Variants in DLGAP2 observed in about 807,000 individuals in gnomAD.
DLGAP2 encodes disks large-associated protein 2.
Under a neutral mutation model 100.3 loss-of-function variants are expected in DLGAP2, and 26 were observed. The observed-to-expected ratio is 0.26, with a 90% CI of 0.19 to 0.36. DLGAP2 has a LOEUF of 0.36. Ranked by LOEUF, DLGAP2 falls within the 10% of genes least tolerant of loss-of-function variation. The probability of loss-of-function intolerance (pLI) is 1.00; values close to 1 mark genes in which losing one functional copy is unlikely to be tolerated. For synonymous variants in DLGAP2, 886 were observed against 630.1 expected, an observed-to-expected ratio of 1.41 and a Z score of -6.08; for missense variants, 1,858 against 1,453.2, an observed-to-expected ratio of 1.28 and a Z score of -4.53.
At chr8:1,281,297 G>C (rs148335899) in intron 3 of DLGAP2, among the ~76,000 whole-genome samples, 127 of 152,288 alleles carry the variant, frequency 8.3e-4, no homozygotes, top group African/African-American at 3.1e-3. Context: ...TGTGAGAAAC[G>C]GGGGATGGTG....
At chr8:1,216,031 G>A (rs1019449978) in intron 2 of DLGAP2, among the ~76,000 whole-genome samples, 3 of 152,184 alleles carry the variant, frequency 2.0e-5, no homozygotes, top group African/African-American at 4.8e-5. Context: ...GCAGTGCTTG[G>A]GAGGAGCTTT....
At chr8:1,383,296 T>C (rs183141002) in intron 3 of DLGAP2, among the ~76,000 whole-genome samples, 1 of 152,218 alleles carries the variant, frequency 6.6e-6, no homozygotes, top group Admixed American at 6.5e-5. Context: ...TATTTCAAAT[T>C]CTCAAATATG....
At chr8:1,697,090 C>A in intron 13 of DLGAP2, 57 bp from the exon 14 acceptor site, 1 of 1,457,986 alleles carries the variant, frequency 6.9e-7, no homozygotes, top group South Asian at 1.5e-5. Context: ...GTGGCCTCCC[C>A]AGCCCTGTGC....
At chr8:1,459,351 CA>C (rs1484391996) in intron 3 of DLGAP2, among the ~76,000 whole-genome samples, 1 of 152,144 alleles carries the variant, frequency 6.6e-6, no homozygotes, top group Non-Finnish European at 1.5e-5. Flanking sequence ...GCATAGGCCC[CA>C]GGGGTCACCC....
chr8:1,149,233 C>T (rs1796656874), intron 2 of DLGAP2, among the ~76,000 whole-genome samples: 1 of 152,112 alleles, frequency 6.6e-6, no homozygotes, highest in Non-Finnish European at 1.5e-5. Flanking sequence ...GCAAGCTCCG[C>T]CTTCTGGGTT....
chr8:1,500,128 GAT>G (rs1799668466), intron 3 of DLGAP2, among the ~76,000 whole-genome samples: 2 of 152,226 alleles, frequency 1.3e-5, no homozygotes, highest in Admixed American at 6.5e-5. Flanking sequence ...TGGTGACAAA[GAT>G]GTGTGTACGC....
At position 1,218,644 on chromosome 8, in the gene DLGAP2, A is replaced by T. The variant is rs117808957; in HGVS notation, c.74-40207A>T. Among the ~76,000 whole-genome samples, 781 of 152,170 alleles carry T rather than the reference A, an allele frequency of 5.1e-3. 4 individuals are homozygous for T. Among genetic ancestry groups the T allele is most frequent in the Non-Finnish European group, 7.9e-3 (538 of 67,984 alleles). On this transcript the variant is annotated intron_variant, in intron 2 of 14. Coordinates refer to ENST00000637795, the MANE Select transcript of DLGAP2 (RefSeq NM_001346810.2). The stretch of plus-strand genomic sequence containing the variant: ...TCTTTTTTGTTTTAATATATATTTT[A>T]GAATAGTTCTAATTATATGGAAAAT...
intron 2 of DLGAP2, among the ~76,000 whole-genome samples, chr8:1,205,827 C>A (rs1797977798): frequency 6.6e-6 from 1 of 152,150 alleles, no homozygotes; most frequent in South Asian, 2.1e-4. Context: ...AGTGAGAATA[C>A]ATCAAATCTG....
At chr8:776,873 T>G (rs1481140572) in intron 1 of DLGAP2, among the ~76,000 whole-genome samples, 8 of 152,270 alleles carry the variant, frequency 5.3e-5, no homozygotes, top group East Asian at 1.9e-4. Flanking sequence ...GGTCCACTTG[T>G]TGCAGAGCTG....
intron 2 of DLGAP2, among the ~76,000 whole-genome samples, chr8:1,080,617 G>A (rs1344541089): frequency 2.3e-4 from 35 of 152,306 alleles, no homozygotes; most frequent in Non-Finnish European, 4.4e-5. Context: ...GGACTCATCA[G>A]GCGGAACAGG....
At chr8:1,332,285 C>T (rs926665615) in intron 3 of DLGAP2, among the ~76,000 whole-genome samples, 5 of 152,038 alleles carry the variant, frequency 3.3e-5, no homozygotes, top group Admixed American at 1.3e-4. Context: ...TCTGTGTACA[C>T]ATATCTGCAC....
chr8:846,113 A>C (rs1028735995), intron 1 of DLGAP2, among the ~76,000 whole-genome samples: 1 of 152,248 alleles, frequency 6.6e-6, no homozygotes, highest in Non-Finnish European at 1.5e-5. Flanking sequence ...CTATTACCTC[A>C]AACATTGACC....
At chr8:864,229 GC>G (rs1291617273) in intron 1 of DLGAP2, among the ~76,000 whole-genome samples, 1 of 152,168 alleles carries the variant, frequency 6.6e-6, no homozygotes, top group Non-Finnish European at 1.5e-5. Context: ...GTTAGCAGGT[GC>G]AGGGACTTGG....
chr8:1,475,956 TG>T (rs1244744625), intron 3 of DLGAP2, among the ~76,000 whole-genome samples: 2 of 152,344 alleles, frequency 1.3e-5, no homozygotes, highest in Admixed American at 6.5e-5. Flanking sequence ...AAATGGTTTT[TG>T]TAGTTACTCT....
chr8:1,323,276 C>G (rs1213144473), intron 3 of DLGAP2, among the ~76,000 whole-genome samples: 1 of 152,122 alleles, frequency 6.6e-6, no homozygotes, highest in South Asian at 2.1e-4. Flanking sequence ...GCAATCCACC[C>G]GCCTCAGCCT....
chr8:1,408,467 TCCTGAAGC>T (rs1266184525), intron 3 of DLGAP2, among the ~76,000 whole-genome samples: 2 of 152,184 alleles, frequency 1.3e-5, no homozygotes, highest in East Asian at 3.9e-4. Context: ...CCGTGTCAAG[TCCTGAAGC>T]CCCCATGGCC....
At chr8:989,794 T>G (rs1800601760) in intron 2 of DLGAP2, among the ~76,000 whole-genome samples, 1 of 152,206 alleles carries the variant, frequency 6.6e-6, no homozygotes, top group Admixed American at 6.5e-5. Context: ...AAATTGAGGC[T>G]TCCCCAGGGT....
chr8:1,080,456 C>T (rs147056392), intron 2 of DLGAP2, among the ~76,000 whole-genome samples: 5 of 152,340 alleles, frequency 3.3e-5, no homozygotes, highest in South Asian at 2.1e-4. Flanking sequence ...GCTCACACGT[C>T]TGAAGTGGGG....
At chr8:1,476,241 G>A (rs576727771) in intron 3 of DLGAP2, among the ~76,000 whole-genome samples, 93 of 152,254 alleles carry the variant, frequency 6.1e-4, no homozygotes, top group African/African-American at 1.9e-3. Context: ...TTCCATTTCT[G>A]TACGTTTTTG....
Sources: gnomAD v4.1 joint callset for allele counts (sites outside exome capture counted in the v4.1 genomes callset) on GRCh38, gnomAD v4.1.1 for gene constraint, MANE v1.5 for transcripts, NCBI Gene and HGNC (gene_info 2026-07-23, HGNC 2026-07-21) for gene names.